SSBP2: variants seen among roughly 807,000 people sequenced by gnomAD.
SSBP2 encodes the protein single stranded DNA binding protein 2, also known as single-stranded DNA-binding protein 2.
In SSBP2, 17 loss-of-function variants were observed where a neutral mutation model predicts 61.8. The ratio of observed to expected loss-of-function variants is 0.28; its 90% confidence interval spans 0.19 to 0.41. The LOEUF (loss-of-function observed/expected upper bound fraction) is 0.41, where lower values mean the gene tolerates loss of function less well. SSBP2 is among the 10% of genes least tolerant of loss of function. SSBP2 has a pLI of 1.00. For missense variants in SSBP2, 310 were observed against 458.7 expected (o/e 0.68, Z 2.96); for synonymous variants, 139 against 141.3 (o/e 0.98, Z 0.12).
intron 1 of SSBP2, among the ~76,000 whole-genome samples, chr5:81,729,593 T>C (rs1410831674): frequency 7.2e-5 from 11 of 152,178 alleles, no homozygotes; most frequent in Non-Finnish European, 1.5e-4. Context: ...ATTAACTCAA[T>C]ACTCTATACT....
At chr5:81,697,508 C>T (rs1753682357) in intron 1 of SSBP2, among the ~76,000 whole-genome samples, 1 of 152,142 alleles carries the variant, frequency 6.6e-6, no homozygotes, top group African/African-American at 2.4e-5. Flanking sequence ...ATATTCCTTA[C>T]CCAATGTTCT....
At chr5:81,501,843 G>A (rs548679921) in intron 5 of SSBP2, among the ~76,000 whole-genome samples, 2 of 152,068 alleles carry the variant, frequency 1.3e-5, no homozygotes, top group African/African-American at 2.4e-5. Flanking sequence ...GATTACAGAC[G>A]TGAGCCACTG....
chr5:81,670,536 C>A (rs992033706), intron 1 of SSBP2, among the ~76,000 whole-genome samples: 1 of 152,100 alleles, frequency 6.6e-6, no homozygotes, highest in Non-Finnish European at 1.5e-5. Flanking sequence ...GTTATGTCAA[C>A]ATACTATAAC....
chr5:81,525,141 C>T lies in SSBP2; in HGVS notation c.283-11424G>A, dbSNP rs2154098530. Among the ~76,000 whole-genome samples, 2 of 152,040 alleles carry T rather than the reference C, an allele frequency of 1.3e-5. 1 individual carries two copies. Among genetic ancestry groups the T allele is most frequent in the South Asian group, 4.2e-4 (2 of 4,818 alleles). On this transcript the variant is annotated intron_variant, in intron 4 of 16. Transcript: ENST00000320672. ...CTAGATTCCCTGACTCGGTTCCCAT[C>T]CAACTGGATCTGAATGTCTCAAGAG...
intron 4 of SSBP2, among the ~76,000 whole-genome samples, chr5:81,514,789 A>G (rs1275382484): frequency 1.3e-5 from 2 of 152,042 alleles, no homozygotes; most frequent in Non-Finnish European, 2.9e-5. Flanking sequence ...TAAAAAAACT[A>G]AATATGTTTA....
intron 1 of SSBP2, among the ~76,000 whole-genome samples, chr5:81,747,723 G>C (rs1387013401): frequency 6.6e-6 from 1 of 152,082 alleles, no homozygotes; most frequent in African/African-American, 2.4e-5. Flanking sequence ...AGATACCTCA[G>C]AGAAGAAATT....
chr5:81,703,321 G>A lies in SSBP2; in HGVS notation c.62+47660C>T, dbSNP rs1754124149. The stretch of plus-strand genomic sequence containing the variant: ...CATGGTATTACAGGACACACAGACA[G>A]TGCCAGCAACCCAGGAAGATCTCCA... On this transcript the variant is annotated intron_variant, in intron 1 of 16. Transcript: ENST00000320672. 2.6e-5 allele frequency among the ~76,000 whole-genome samples: 4 copies of A among 152,092 alleles called. No individual in the cohort carries two copies. The South Asian group carries it at 8.3e-4, about 32-fold the overall frequency.
In SSBP2 at chr5:81,414,467, G is replaced by C. The variant is rs949607306; in HGVS notation, c.*6037C>G. ...GTTTAAAAAAGTAAACAGGTCTCAG[G>C]TGTCTTTTTCATGGGTAGGTCACCT... On this transcript the variant is annotated 3_prime_UTR_variant, in exon 17 of 17. Coordinates refer to ENST00000320672, the MANE Select transcript of SSBP2 (RefSeq NM_012446.5). The C allele has an allele frequency of 2.6e-5, 4 of 152,138 alleles. No individual in the cohort carries two copies. Among genetic ancestry groups the C allele is most frequent in the Non-Finnish European group, 5.9e-5 (4 of 68,016 alleles). 9.4% of individuals were successfully genotyped at this position (152,138 alleles called of 1,614,324 possible).
chr5:81,466,976 G>A lies in SSBP2; in HGVS notation c.636C>T (p.Asn212=). ...GTATATGATATAACATTGCTTACAT[G>A]TTCATTCCAGGCATTCCAGGGCCAC... Residue 212 remains asparagine, a splice_region_variant and synonymous_variant, in exon 9 of 17, where the codon AAC becomes AAT. Transcript: ENST00000320672. 6.2e-7 allele frequency: 1 copy of A among 1,601,300 alleles called. No individual in the cohort carries two copies. Among genetic ancestry groups the A allele is most frequent in the Non-Finnish European group, 8.5e-7 (1 of 1,169,992 alleles).
At chr5:81,475,951 A>G (rs1765558815) in intron 6 of SSBP2, among the ~76,000 whole-genome samples, 1 of 152,122 alleles carries the variant, frequency 6.6e-6, no homozygotes, top group South Asian at 2.1e-4. Context: ...GTGTGCATGC[A>G]TGTATAATTT....
intron 4 of SSBP2, among the ~76,000 whole-genome samples, chr5:81,614,475 T>C (rs1278804733): frequency 1.3e-4 from 20 of 152,180 alleles, no homozygotes; most frequent in Non-Finnish European, 2.4e-4. Context: ...ATAATTCTTC[T>C]GGCCATTTCT....
intron 2 of SSBP2, among the ~76,000 whole-genome samples, chr5:81,645,915 T>A (rs1234720687): frequency 3.3e-5 from 5 of 152,302 alleles, no homozygotes; most frequent in Admixed American, 2.0e-4. Flanking sequence ...GAGAAATGTT[T>A]TTATTTCTAT....
At chr5:81,690,318 G>C (rs1020855119) in intron 1 of SSBP2, among the ~76,000 whole-genome samples, 1 of 151,986 alleles carries the variant, frequency 6.6e-6, no homozygotes, top group African/African-American at 2.4e-5. Context: ...TAGCTGAGTG[G>C]ATATAAAAAC....
In SSBP2 at chr5:81,587,826, AG is replaced by A. The variant is rs576098666; in HGVS notation, c.282+27646del. On this transcript the variant is annotated intron_variant, in intron 4 of 16. Transcript: ENST00000320672. ...ATAAACTGAGATGTAAGATAGCGAA[AG>A]GGTATAGAAGAAAGGAAAGAAATGT... Among the ~76,000 whole-genome samples, 12 of 152,256 alleles carry A rather than the reference AG, an allele frequency of 7.9e-5. No individual in the cohort carries two copies. The South Asian group carries it at 2.1e-3, about 26-fold the overall frequency.
chr5:81,629,296 G>C (rs680990), intron 3 of SSBP2, among the ~76,000 whole-genome samples: 152,368 of 152,370 alleles, frequency 1, 76,183 homozygotes, highest in Middle Eastern at 1. Context: ...CTCTTTAATC[G>C]ATCTTTATGT....
chr5:81,577,173 T>A (rs1246156695), intron 4 of SSBP2, among the ~76,000 whole-genome samples: 2 of 152,092 alleles, frequency 1.3e-5, no homozygotes, highest in Non-Finnish European at 2.9e-5. Flanking sequence ...TATGTCTTTT[T>A]ACAATATAAT....
Position 81,548,324 on chromosome 5 carries a change from C to T in SSBP2, c.283-34607G>A, listed in dbSNP as rs552960368. 3.9e-5 allele frequency among the ~76,000 whole-genome samples: 6 copies of T among 152,130 alleles called. No individual in the cohort carries two copies. In the East Asian group the frequency reaches 9.7e-4, roughly 25 times the overall value. On this transcript the variant is annotated intron_variant, in intron 4 of 16. Transcript: ENST00000320672. ...GATCATAACGAATGTACACTGTGGG[C>T]GCAGCATGCTGATAAAAGAGGTTGT...
At chr5:81,707,974 C>T (rs970891323) in intron 1 of SSBP2, among the ~76,000 whole-genome samples, 8 of 152,118 alleles carry the variant, frequency 5.3e-5, no homozygotes, top group African/African-American at 1.9e-4. Context: ...TATAAGTGAT[C>T]CTCATGTTTT....
chr5:81,714,558 G>C (rs1252669569), intron 1 of SSBP2, among the ~76,000 whole-genome samples: 1 of 152,142 alleles, frequency 6.6e-6, no homozygotes, highest in Non-Finnish European at 1.5e-5. Context: ...ATCCTCTCCA[G>C]CATGTTGTTT....
Sources: gnomAD v4.1 joint callset for allele counts (sites outside exome capture counted in the v4.1 genomes callset) on GRCh38, gnomAD v4.1.1 for gene constraint, MANE v1.5 for transcripts, NCBI Gene and HGNC (gene_info 2026-07-23, HGNC 2026-07-21) for gene names.